Variants in NCAM2 observed in about 807,000 individuals in gnomAD.
NCAM2 encodes the protein N-CAM-2.
Under a neutral mutation model 98.1 loss-of-function variants are expected in NCAM2, and 30 were observed. The ratio of observed to expected loss-of-function variants is 0.31; its 90% CI spans 0.23 to 0.41. The LOEUF is 0.41. Among genes scored for constraint, NCAM2 ranks in the 10% least tolerant of loss-of-function variants. NCAM2 has a pLI of 1.00. For synonymous variants in NCAM2, 368 were observed against 342.4 expected (o/e 1.07, Z -0.83); for missense variants, 867 against 1,005.8 (o/e 0.86, Z 1.87).
chr21:21,011,760 A>G (rs1460721601), intron 1 of NCAM2, among the ~76,000 whole-genome samples: 1 of 152,148 alleles, frequency 6.6e-6, no homozygotes, highest in Non-Finnish European at 1.5e-5. Flanking sequence ...TCCAAAATAT[A>G]TAAGTAGTTC....
At chr21:21,407,647 C>T (rs941168557) in intron 9 of NCAM2, among the ~76,000 whole-genome samples, 7 of 152,066 alleles carry the variant, frequency 4.6e-5, no homozygotes, top group Non-Finnish European at 7.4e-5. Context: ...TTAAACCTCT[C>T]CGTGAAATAG....
intron 5 of NCAM2, among the ~76,000 whole-genome samples, chr21:21,304,892 A>G (rs1362541875): frequency 1.3e-5 from 2 of 152,220 alleles, no homozygotes; most frequent in African/African-American, 4.8e-5. Context: ...ATGCTATTAT[A>G]AACCACATTT....
At chr21:21,385,395 C>T (rs2588650) in intron 9 of NCAM2, among the ~76,000 whole-genome samples, 35 of 150,644 alleles carry the variant, frequency 2.3e-4, no homozygotes, top group South Asian at 4.2e-4. Context: ...CACACACACA[C>T]ACACGCACAC....
rs542908271 is a variant in NCAM2, at chr21:21,531,583, A to G, written c.2283-2954A>G. On this transcript the variant is annotated intron_variant, in intron 16 of 17. Transcript: ENST00000400546. ...TATGCTATGCTTGTTATTATTTCCT[A>G]TTTAATAGTAAGTTCTAAAATATGG... 7.9e-5 allele frequency among the ~76,000 whole-genome samples: 12 copies of G among 152,072 alleles called. 1 individual carries two copies. The South Asian group carries it at 1.9e-3, about 24-fold the overall frequency.
In NCAM2 at chr21:21,186,344, A is replaced by G. The variant is rs182682712; in HGVS notation, c.56-94234A>G. On this transcript the variant is annotated intron_variant, in intron 1 of 17. Coordinates refer to ENST00000400546, the MANE Select transcript of NCAM2 (RefSeq NM_004540.5). Reference sequence around the variant, plus strand: ...GTGATGGCTATTAAATAAATGTTTCAAGTTTACATTTGAAATTAGTTCAAG... The same window carrying G: ...GTGATGGCTATTAAATAAATGTTTCGAGTTTACATTTGAAATTAGTTCAAG... Among the ~76,000 whole-genome samples, 4 of 152,270 alleles carry G rather than the reference A, an allele frequency of 2.6e-5. No homozygotes were observed. In the East Asian group the frequency reaches 7.7e-4, roughly 29 times the overall value.
At chr21:21,049,013 A>ATTTTTTTTTT (rs61325994) in intron 1 of NCAM2, among the ~76,000 whole-genome samples, 1 of 133,482 alleles carries the variant, frequency 7.5e-6, no homozygotes, top group African/African-American at 2.8e-5. Context: ...TTTACTATTA[A>ATTTTTTTTTT]TTTTTTTTTT....
At chr21:21,301,783 C>T (rs999324679) in intron 5 of NCAM2, among the ~76,000 whole-genome samples, 3 of 151,008 alleles carry the variant, frequency 2.0e-5, no homozygotes, top group Admixed American at 1.3e-4. Flanking sequence ...CAAACAACCC[C>T]ATCAAAAAGT....
intron 9 of NCAM2, among the ~76,000 whole-genome samples, chr21:21,381,865 C>T (rs2076161225): frequency 6.6e-6 from 1 of 151,992 alleles, no homozygotes; most frequent in South Asian, 2.1e-4. Flanking sequence ...AGTTTCTTCT[C>T]CATTTCTTGT....
rs73230136 is a variant in NCAM2 at position 21,030,478 on chromosome 21, G to C, written c.55+31860G>C. On this transcript the variant is annotated intron_variant, in intron 1 of 17. Transcript: ENST00000400546. The stretch of plus-strand genomic sequence containing the variant: ...CATCTGAATGACCTGCCTTTTTAAG[G>C]GCTCTTGGGATTGTTTTAAACTCAC... Among the ~76,000 whole-genome samples the C allele has an allele frequency of 8.1e-3, 1,229 of 152,036 alleles. 7 individuals carry two copies. Among genetic ancestry groups the C allele is most frequent in the Non-Finnish European group, 0.013 (876 of 67,986 alleles).
chr21:21,068,281 C>G (rs1230641844), intron 1 of NCAM2, among the ~76,000 whole-genome samples: 1 of 151,034 alleles, frequency 6.6e-6, no homozygotes, highest in Non-Finnish European at 1.5e-5. Flanking sequence ...TATAGGCACC[C>G]ACCACCGTGC....
At chr21:21,109,594 C>CTT (rs2066415336) in intron 1 of NCAM2, among the ~76,000 whole-genome samples, 1 of 152,050 alleles carries the variant, frequency 6.6e-6, no homozygotes, top group Non-Finnish European at 1.5e-5. Flanking sequence ...AGTGGAAATG[C>CTT]CATTTCCACC....
intron 2 of NCAM2, among the ~76,000 whole-genome samples, chr21:21,282,756 T>TTTATAAATAATCTGTAC (rs765238881): frequency 1.3e-3 from 195 of 151,932 alleles, no homozygotes; most frequent in Non-Finnish European, 2.4e-3. Context: ...TTTAATGCTA[T>TTTATAAATAATCTGTAC]TTATAAATAA....
intron 1 of NCAM2, among the ~76,000 whole-genome samples, chr21:21,248,776 C>CAAAAAAAA (rs1171857115): frequency 9.9e-5 from 5 of 50,680 alleles, no homozygotes; most frequent in East Asian, 9.1e-4. Flanking sequence ...GACTCTGTCT[C>CAAAAAAAA]AAAAAAAAAA....
chr21:21,299,485 T>C (rs748581975), intron 5 of NCAM2, among the ~76,000 whole-genome samples: 2 of 151,874 alleles, frequency 1.3e-5, no homozygotes, highest in Non-Finnish European at 2.9e-5. Flanking sequence ...TTCTTAAGCA[T>C]AGTTTGTTTT....
chr21:21,359,985 A>G (rs1206036419), intron 8 of NCAM2, among the ~76,000 whole-genome samples: 1 of 151,954 alleles, frequency 6.6e-6, no homozygotes, highest in African/African-American at 2.4e-5. Context: ...TTTTAAAAAT[A>G]TATAGAAAAA....
At chr21:21,437,139 A>C (rs979190368) in intron 12 of NCAM2, among the ~76,000 whole-genome samples, 1 of 152,108 alleles carries the variant, frequency 6.6e-6, no homozygotes, top group Non-Finnish European at 1.5e-5. Context: ...CACTTTTGAA[A>C]AGAGTGAAGA....
At chr21:21,532,938 C>A (rs1034471566) in intron 16 of NCAM2, among the ~76,000 whole-genome samples, 1 of 151,936 alleles carries the variant, frequency 6.6e-6, no homozygotes, top group African/African-American at 2.4e-5. Flanking sequence ...ATTTTCAGAG[C>A]TAAAAAAGTT....
chr21:21,087,913 A>G (rs2065936338), intron 1 of NCAM2, among the ~76,000 whole-genome samples: 1 of 152,218 alleles, frequency 6.6e-6, no homozygotes, highest in Admixed American at 6.5e-5. Flanking sequence ...TAAGAGTCAT[A>G]TTCATATGTC....
intron 1 of NCAM2, among the ~76,000 whole-genome samples, chr21:21,037,703 A>G (rs1429769945): frequency 6.6e-6 from 1 of 152,180 alleles, no homozygotes; most frequent in Non-Finnish European, 1.5e-5. Flanking sequence ...ATATTACTGG[A>G]ATTTGGATTT....
Sources: gnomAD v4.1 joint callset for allele counts (sites outside exome capture counted in the v4.1 genomes callset) on GRCh38, gnomAD v4.1.1 for gene constraint, MANE v1.5 for transcripts, NCBI Gene and HGNC (gene_info 2026-07-23, HGNC 2026-07-21) for gene names.